Variants in WWC2 observed in about 807,000 individuals in gnomAD.
WWC2 encodes the protein protein WWC2.
Under a neutral mutation model 138.5 loss-of-function variants are expected in WWC2, and 101 were observed. The observed-to-expected ratio is 0.73, with a 90% CI of 0.62 to 0.86. The LOEUF is 0.86. Among genes scored for constraint, WWC2 ranks in the 40% least tolerant of loss-of-function variants. The probability of loss-of-function intolerance (pLI) is 0.00; values close to 1 mark genes in which losing one functional copy is unlikely to be tolerated. For missense variants in WWC2, 1,420 were observed against 1,419.4 expected (o/e 1.00, Z -0.01); for synonymous variants, 558 against 538.4 (o/e 1.04, Z -0.50).
At chr4:183,265,162 G>T in intron 12 of WWC2, 55 bp downstream of exon 12, 1 of 1,564,836 alleles carries the variant, frequency 6.4e-7, no homozygotes, top group Non-Finnish European at 8.7e-7. Flanking sequence ...CGCCGTGGAT[G>T]TGGGTTATAT....
intron 17 of WWC2, among the ~76,000 whole-genome samples, chr4:183,281,792 A>C (rs1738085123): frequency 6.6e-6 from 1 of 152,216 alleles, no homozygotes; most frequent in Admixed American, 6.5e-5. Flanking sequence ...GCACTGCAAA[A>C]CAAATAAATA....
chr4:183,184,714 T>G (rs1395482779), intron 1 of WWC2, among the ~76,000 whole-genome samples: 1 of 152,194 alleles, frequency 6.6e-6, no homozygotes, highest in Non-Finnish European at 1.5e-5. Context: ...GTGGTTTTGA[T>G]TTGCATTTCC....
chr4:183,162,315 G>A (rs952779703), intron 1 of WWC2, among the ~76,000 whole-genome samples: 2 of 151,832 alleles, frequency 1.3e-5, no homozygotes, highest in Non-Finnish European at 2.9e-5. Context: ...AATTTTAAAC[G>A]TTTTGATAAA....
chr4:183,127,003 C>T (rs576624072), intron 1 of WWC2, among the ~76,000 whole-genome samples: 3 of 151,518 alleles, frequency 2.0e-5, no homozygotes, highest in Admixed American at 1.3e-4. Flanking sequence ...TCCCAAAGTG[C>T]TGGGATTATA....
intron 1 of WWC2, among the ~76,000 whole-genome samples, chr4:183,109,225 A>G (rs536443877): frequency 2.6e-5 from 4 of 152,332 alleles, no homozygotes; most frequent in African/African-American, 4.8e-5. Context: ...AAAGAAGAAT[A>G]TGTGACAGAG....
intron 21 of WWC2, among the ~76,000 whole-genome samples, chr4:183,302,697 T>C (rs1025667354): frequency 3.3e-5 from 5 of 152,120 alleles, no homozygotes; most frequent in Non-Finnish European, 5.9e-5. Context: ...TTCCAAAAAA[T>C]TGACAGAAGC....
intron 14 of WWC2, among the ~76,000 whole-genome samples, chr4:183,268,033 A>G (rs1192300621): frequency 6.6e-6 from 1 of 152,218 alleles, no homozygotes; most frequent in Non-Finnish European, 1.5e-5. Context: ...TTTAATCAAC[A>G]GCAGTGGGCT....
intron 1 of WWC2, among the ~76,000 whole-genome samples, chr4:183,151,578 C>T (rs1297609457): frequency 2.6e-5 from 4 of 152,090 alleles, no homozygotes; most frequent in African/African-American, 9.7e-5. Flanking sequence ...CTTTTGTTGC[C>T]ATTGCTTTTG....
At chr4:183,176,701 C>T (rs1174409659) in intron 1 of WWC2, among the ~76,000 whole-genome samples, 4 of 152,090 alleles carry the variant, frequency 2.6e-5, no homozygotes, top group Non-Finnish European at 5.9e-5. Context: ...GGGATTACAG[C>T]CGTGAGCCAC....
intron 1 of WWC2, among the ~76,000 whole-genome samples, chr4:183,173,396 T>G (rs576144240): frequency 7.6e-4 from 115 of 152,248 alleles, no homozygotes; most frequent in African/African-American, 2.7e-3. Context: ...TCTCTGAATA[T>G]GCTAATTGAA....
chr4:183,304,566 G>A (rs768687103), intron 21 of WWC2, among the ~76,000 whole-genome samples: 1 of 152,114 alleles, frequency 6.6e-6, no homozygotes, highest in Non-Finnish European at 1.5e-5. Flanking sequence ...GAACTTAACT[G>A]ACTTTGGTAA....
At chr4:183,235,585 A>G (rs932520756) in intron 4 of WWC2, among the ~76,000 whole-genome samples, 2 of 152,164 alleles carry the variant, frequency 1.3e-5, no homozygotes, top group African/African-American at 4.8e-5. Flanking sequence ...ATCATACAGT[A>G]TTTGTCCCTC....
At chr4:183,278,945 C>G (rs1015041647) in intron 16 of WWC2, among the ~76,000 whole-genome samples, 8 of 151,400 alleles carry the variant, frequency 5.3e-5, no homozygotes, top group African/African-American at 1.9e-4. Context: ...TTGACTTCCT[C>G]TTTTCCTAAT....
At chr4:183,105,205 T>G (rs1743312117) in intron 1 of WWC2, among the ~76,000 whole-genome samples, 1 of 152,206 alleles carries the variant, frequency 6.6e-6, no homozygotes, top group South Asian at 2.1e-4. Context: ...AATATGTTAT[T>G]TGTTTTGAGC....
intron 1 of WWC2, among the ~76,000 whole-genome samples, chr4:183,124,249 T>A (rs1191458843): frequency 6.6e-6 from 1 of 152,226 alleles, no homozygotes; most frequent in Non-Finnish European, 1.5e-5. Context: ...AAAGAAATCT[T>A]CAGTGTTTTC....
chr4:183,106,960 G>T (rs142507879), intron 1 of WWC2, among the ~76,000 whole-genome samples: 4 of 152,102 alleles, frequency 2.6e-5, no homozygotes, highest in African/African-American at 9.6e-5. Flanking sequence ...GGAGTTGCTG[G>T]GTCATATGGC....
Position 183,260,985 on chromosome 4 carries a change from C to T in WWC2, c.1362C>T (p.Asn454=), listed in dbSNP as rs776220386. The change falls in exon 11 of 23, where the codon AAC becomes AAT. Residue 454 remains asparagine, a synonymous_variant. Transcript: ENST00000403733. ...GSLASSRGSL[N]TSSRGSLNSL... Reference sequence around the variant, plus strand: ...TGGCATCGAGTCGGGGCTCTCTGAACACCTCCAGCAGAGGGTCACTCAACT... The same window carrying T: ...TGGCATCGAGTCGGGGCTCTCTGAATACCTCCAGCAGAGGGTCACTCAACT... The T allele has an allele frequency of 6.2e-7, 1 of 1,613,986 alleles. No individual in the cohort carries two copies. Among genetic ancestry groups the T allele is most frequent in the Admixed American group, 1.7e-5 (1 of 60,022 alleles).
At chr4:183,119,372 A>G (rs928485154) in intron 1 of WWC2, among the ~76,000 whole-genome samples, 2 of 152,154 alleles carry the variant, frequency 1.3e-5, no homozygotes, top group South Asian at 2.1e-4. Flanking sequence ...AGAATATAGG[A>G]CGAAGTGAAG....
chr4:183,255,357 AATTT>A, intron 9 of WWC2, among the ~76,000 whole-genome samples: 1 of 152,224 alleles, frequency 6.6e-6, no homozygotes, highest in African/African-American at 2.4e-5. Flanking sequence ...AGGGAGAATT[AATTT>A]GTTTTTGTTG....
Sources: allele counts gnomAD v4.1 joint callset (sites outside exome capture counted in the v4.1 genomes callset), GRCh38; gene constraint gnomAD v4.1.1; transcripts MANE v1.5; gene names NCBI Gene and HGNC (gene_info 2026-07-23, HGNC 2026-07-21).